PIK3C2G: variants seen among roughly 807,000 people sequenced by gnomAD.
The protein encoded by PIK3C2G is phosphatidylinositol-4-phosphate 3-kinase catalytic subunit type 2 gamma, also known as phosphatidylinositol 3-kinase C2 domain-containing subunit gamma.
PIK3C2G carries 168 observed loss-of-function variants against 181.1 expected under a neutral mutation model. The ratio of observed to expected loss-of-function variants is 0.93; its 90% confidence interval spans 0.82 to 1.05. The LOEUF is 1.05. Ranked by LOEUF, PIK3C2G falls within the 50% of genes least tolerant of loss-of-function variation. PIK3C2G has a pLI of 0.00. For synonymous variants in PIK3C2G, 573 were observed against 592.2 expected, an observed-to-expected ratio of 0.97 and a Z score of 0.47; for missense variants, 1,869 against 1,732.8, an observed-to-expected ratio of 1.08 and a Z score of -1.40.
At chr12:18,668,277 T>G in the PIK3C2G span, among the ~76,000 whole-genome samples, 2 of 152,210 alleles carry the variant, frequency 1.3e-5, no homozygotes, top group Non-Finnish European at 2.9e-5. Flanking sequence ...CATTAAGTAT[T>G]TACATGAACC....
intron 22 of PIK3C2G, among the ~76,000 whole-genome samples, chr12:18,502,903 A>G (rs1004067090): frequency 3.3e-4 from 50 of 152,298 alleles, no homozygotes; most frequent in African/African-American, 1.1e-3. Flanking sequence ...TGGCTCCCTT[A>G]AATTGTAAAT....
At chr12:18,647,113 A>G (rs547598) in intron 32 of PIK3C2G, among the ~76,000 whole-genome samples, 18,009 of 152,028 alleles carry the variant, frequency 0.12, 1,362 homozygotes, top group African/African-American at 0.21. Context: ...TTTATTTAAT[A>G]AGCATGTATT....
At chr12:18,612,644 C>T (rs2136616116) in intron 31 of PIK3C2G, among the ~76,000 whole-genome samples, 1 of 152,244 alleles carries the variant, frequency 6.6e-6, no homozygotes, top group African/African-American at 2.4e-5. Context: ...AAAAATCCAT[C>T]TATAAATTCT....
At chr12:18,503,871 G>T (rs1335872243) in intron 23 of PIK3C2G, among the ~76,000 whole-genome samples, 3 of 152,042 alleles carry the variant, frequency 2.0e-5, no homozygotes, top group Admixed American at 6.6e-5. Context: ...TGTTTTATTT[G>T]ACTGCAAACA....
At chr12:18,526,779 C>G (rs534421413) in intron 24 of PIK3C2G, among the ~76,000 whole-genome samples, 1 of 152,236 alleles carries the variant, frequency 6.6e-6, no homozygotes, top group East Asian at 1.9e-4. Flanking sequence ...AAAGCGCTCT[C>G]ACTTACTCAC....
At chr12:18,381,014 A>C (rs541182097) in intron 13 of PIK3C2G, among the ~76,000 whole-genome samples, 1 of 152,308 alleles carries the variant, frequency 6.6e-6, no homozygotes, top group African/African-American at 2.4e-5. Context: ...GATCACTGGA[A>C]CATTTTACTG....
At chr12:18,299,209 A>G (rs550286456) in intron 5 of PIK3C2G, among the ~76,000 whole-genome samples, 30 of 151,984 alleles carry the variant, frequency 2.0e-4, no homozygotes, top group African/African-American at 6.7e-4. Context: ...GTGCTGTTCA[A>G]TTTCTTTCAC....
intron 16 of PIK3C2G, among the ~76,000 whole-genome samples, chr12:18,406,786 C>T (rs1000436214): frequency 2.4e-4 from 37 of 151,966 alleles, no homozygotes; most frequent in Admixed American, 2.0e-4. Context: ...AATATGAATA[C>T]AATTATAGAT....
At chr12:18,715,038 T>C in the PIK3C2G span, among the ~76,000 whole-genome samples, 1 of 151,674 alleles carries the variant, frequency 6.6e-6, no homozygotes, top group African/African-American at 2.4e-5. Flanking sequence ...GGCGATCATA[T>C]GCAGTCCCTT....
chr12:18,608,199 A>G (rs961952648), intron 30 of PIK3C2G, among the ~76,000 whole-genome samples: 2 of 152,138 alleles, frequency 1.3e-5, no homozygotes, highest in Non-Finnish European at 2.9e-5. Context: ...CAGCCATCCC[A>G]TTACTGGGTA....
the PIK3C2G span, among the ~76,000 whole-genome samples, chr12:18,666,375 T>C: frequency 6.6e-6 from 1 of 152,042 alleles, no homozygotes; most frequent in Non-Finnish European, 1.5e-5. Flanking sequence ...GACACAAATA[T>C]GTTGAAAATG....
chr12:18,530,923 C>T (rs1443945660), intron 24 of PIK3C2G, among the ~76,000 whole-genome samples: 2 of 152,060 alleles, frequency 1.3e-5, no homozygotes, highest in Non-Finnish European at 2.9e-5. Context: ...TTCCCAGTCT[C>T]GGGTATTTCT....
intron 16 of PIK3C2G, among the ~76,000 whole-genome samples, chr12:18,407,877 G>A (rs1448931097): frequency 6.6e-6 from 1 of 152,104 alleles, no homozygotes; most frequent in Non-Finnish European, 1.5e-5. Flanking sequence ...CAGTGTAGCT[G>A]AAGTCCAGGG....
intron 31 of PIK3C2G, among the ~76,000 whole-genome samples, chr12:18,623,689 C>T (rs553166578): frequency 6.6e-5 from 10 of 151,690 alleles, no homozygotes; most frequent in African/African-American, 1.2e-4. Flanking sequence ...TATCTTTCCA[C>T]GTATTTGTGT....
At chr12:18,633,018 C>G (rs916932778) in intron 31 of PIK3C2G, among the ~76,000 whole-genome samples, 10 of 152,166 alleles carry the variant, frequency 6.6e-5, no homozygotes, top group Non-Finnish European at 1.5e-4. Context: ...TCATATATAT[C>G]TCCTTAACAG....
rs572109808 is a variant in PIK3C2G, at chr12:18,536,217, C to A, written c.3324-1939C>A. On this transcript the variant is annotated intron_variant, in intron 24 of 32. Coordinates refer to ENST00000538779, the MANE Select transcript of PIK3C2G (RefSeq NM_001288772.2). ...ATCTTGGAATAAGGATGAGATTTTTCTGATAGATTTTTGAAGAGACAAGGA... is the reference window on the plus strand; with the variant it reads ...ATCTTGGAATAAGGATGAGATTTTTATGATAGATTTTTGAAGAGACAAGGA... Among the ~76,000 whole-genome samples the A allele has an allele frequency of 8.0e-4, 121 of 152,116 alleles. No individual in the cohort carries two copies. The Middle Eastern group carries it at 0.017, about 21-fold the overall frequency.
At chr12:18,714,052 A>G in the PIK3C2G span, among the ~76,000 whole-genome samples, 1 of 152,182 alleles carries the variant, frequency 6.6e-6, no homozygotes, top group African/African-American at 2.4e-5. Context: ...GCAAATAGGG[A>G]TGTCTCAAAA....
intron 1 of PIK3C2G, among the ~76,000 whole-genome samples, chr12:18,267,616 G>A (rs1948559725): frequency 6.6e-6 from 1 of 152,092 alleles, no homozygotes; most frequent in African/African-American, 2.4e-5. Flanking sequence ...GTTAGAGCAT[G>A]TTTCTCAGAT....
Position 18,496,056 on chromosome 12 carries a change from C to T in PIK3C2G, c.2794-6C>T, listed in dbSNP as rs1168677493. The T allele has an allele frequency of 1.4e-6, 2 of 1,457,408 alleles. No homozygotes were observed. Among genetic ancestry groups the T allele is most frequent in the Admixed American group, 2.4e-5 (1 of 42,308 alleles). 90.3% of individuals were successfully genotyped at this position (1,457,408 alleles called of 1,614,324 possible). ...TCACTAGTTTTCCCTTTTTCTTTTC[C>T]TATAGGCATGTTCATATTTTACATC... On this transcript the variant is annotated splice_polypyrimidine_tract_variant and splice_region_variant and intron_variant, in intron 20 of 32. Coordinates refer to ENST00000538779, the MANE Select transcript of PIK3C2G (RefSeq NM_001288772.2).
Sources: allele counts gnomAD v4.1 joint callset (sites outside exome capture counted in the v4.1 genomes callset), GRCh38; gene constraint gnomAD v4.1.1; transcripts MANE v1.5; gene names NCBI Gene and HGNC (gene_info 2026-07-23, HGNC 2026-07-21).